Variants in FAM110B observed in about 807,000 individuals in gnomAD.
FAM110B encodes the protein family with sequence similarity 110 member B, also known as protein FAM110B.
Under a neutral mutation model 20.4 loss-of-function variants are expected in FAM110B, and 6 were observed. That is an observed-to-expected ratio of 0.29 (90% CI 0.16 to 0.58). FAM110B has a LOEUF of 0.58. Among genes scored for constraint, FAM110B ranks in the 20% least tolerant of loss-of-function variants. The pLI is 0.90. For synonymous variants in FAM110B, 226 were observed against 214.1 expected (o/e 1.06, Z -0.49); for missense variants, 434 against 498.2 (o/e 0.87, Z 1.23).
chr8:57,999,311 C>T (rs1438883425), intron 1 of FAM110B, among the ~76,000 whole-genome samples: 1 of 152,130 alleles, frequency 6.6e-6, no homozygotes, highest in Non-Finnish European at 1.5e-5. Context: ...TACATCAGGG[C>T]AAGATCAATG....
In FAM110B at chr8:58,148,757, A is replaced by G. The variant is rs2150649718; in HGVS notation, c.*1414A>G. The G allele has an allele frequency of 6.0e-6, 1 of 167,270 alleles. No homozygotes were observed. Among genetic ancestry groups the G allele is most frequent in the Middle Eastern group, 3.4e-3 (1 of 296 alleles). The allele number at this position is 167,270 out of a possible 1,614,324, so 10.4% of individuals were successfully genotyped here. On this transcript the variant is annotated 3_prime_UTR_variant, in exon 4 of 4. Transcript: ENST00000519262. The stretch of plus-strand genomic sequence containing the variant: ...TCTTTAAAGAAAAAAAGAAAAAGTT[A>G]CGCTAATAAATTGCTGTGGTGCAGG...
intron 1 of FAM110B, among the ~76,000 whole-genome samples, chr8:58,025,860 T>C (rs1804845886): frequency 6.6e-6 from 1 of 152,156 alleles, no homozygotes; most frequent in Non-Finnish European, 1.5e-5. Flanking sequence ...ACTTCCCTAG[T>C]TGATGTAAAT....
chr8:58,113,557 G>T, intron 3 of FAM110B: 1 of 179,528 alleles, frequency 5.6e-6, no homozygotes, highest in South Asian at 1.3e-4. Context: ...AATGTGGAAA[G>T]GTGCCTTGAA....
chr8:58,050,742 ACTCT>A (rs1201757865), intron 2 of FAM110B, among the ~76,000 whole-genome samples: 3 of 151,920 alleles, frequency 2.0e-5, no homozygotes, highest in South Asian at 2.1e-4. Flanking sequence ...CCACCCAGAT[ACTCT>A]CTCTATCTTG....
At chr8:58,122,626 TG>T (rs1231597055) in intron 3 of FAM110B, among the ~76,000 whole-genome samples, 1 of 152,338 alleles carries the variant, frequency 6.6e-6, no homozygotes, top group African/African-American at 2.4e-5. Context: ...TTTCTGTTGT[TG>T]GGTTTTTTAA....
chr8:58,041,495 C>G (rs1361478852), intron 2 of FAM110B, among the ~76,000 whole-genome samples: 1 of 152,172 alleles, frequency 6.6e-6, no homozygotes, highest in East Asian at 1.9e-4. Context: ...AGCAAATGTT[C>G]TTTGCTGATT....
intron 2 of FAM110B, among the ~76,000 whole-genome samples, chr8:58,051,130 A>G (rs1805432482): frequency 6.6e-6 from 1 of 152,176 alleles, no homozygotes; most frequent in African/African-American, 2.4e-5. Context: ...GTTTCAGCCA[A>G]TCACTCCTGG....
At chr8:58,083,274 G>T (rs1806248941) in intron 3 of FAM110B, among the ~76,000 whole-genome samples, 1 of 152,142 alleles carries the variant, frequency 6.6e-6, no homozygotes, top group Non-Finnish European at 1.5e-5. Context: ...AACAAAAGAG[G>T]AGAAGAAACA....
Position 58,147,485 on chromosome 8 carries a change from A to G in FAM110B, c.*142A>G, listed in dbSNP as rs1169634269. ...GTTTTCAAGTTGCATGCTTGTCAAC[A>G]TGGGGACTGACCTGGCTTCCACGTC... On this transcript the variant is annotated 3_prime_UTR_variant, in exon 4 of 4. Transcript: ENST00000519262. 25 of 1,046,884 alleles carry G rather than the reference A, an allele frequency of 2.4e-5. No homozygotes were observed. The highest frequency in any genetic ancestry group is 3.0e-5 in the Non-Finnish European group (22 of 728,048). The allele number at this position is 1,046,884 out of a possible 1,614,324, so 64.8% of individuals were successfully genotyped here.
intron 3 of FAM110B, among the ~76,000 whole-genome samples, chr8:58,084,622 G>T (rs772098810): frequency 6.6e-6 from 1 of 151,944 alleles, no homozygotes. Context: ...TCTCTTGACC[G>T]TGTGATGCTC....
At chr8:58,028,640 A>G (rs1201295075) in intron 1 of FAM110B, among the ~76,000 whole-genome samples, 1 of 152,214 alleles carries the variant, frequency 6.6e-6, no homozygotes, top group Non-Finnish European at 1.5e-5. Context: ...TGAGTTTATA[A>G]AAAGAAATAT....
At chr8:58,043,014 A>G (rs1805251246) in intron 2 of FAM110B, among the ~76,000 whole-genome samples, 1 of 152,218 alleles carries the variant, frequency 6.6e-6, no homozygotes, top group Admixed American at 6.5e-5. Context: ...ATAATTTTCC[A>G]AGGTGGGAGT....
At chr8:58,095,549 T>C (rs1221945166) in intron 3 of FAM110B, among the ~76,000 whole-genome samples, 1 of 152,230 alleles carries the variant, frequency 6.6e-6, no homozygotes, top group Non-Finnish European at 1.5e-5. Context: ...TTGTGTGGTT[T>C]TGAGTGAGTT....
chr8:58,034,834 G>A (rs1041505050), intron 2 of FAM110B, among the ~76,000 whole-genome samples: 1 of 152,190 alleles, frequency 6.6e-6, no homozygotes, highest in African/African-American at 2.4e-5. Flanking sequence ...GTAACTGAGA[G>A]CCCTCCGTGA....
intron 2 of FAM110B, among the ~76,000 whole-genome samples, chr8:58,069,805 TTTA>T (rs1805848558): frequency 1.3e-5 from 2 of 152,170 alleles, no homozygotes; most frequent in South Asian, 4.1e-4. Context: ...CAGTATCGAT[TTTA>T]TTATTTATTC....
intron 1 of FAM110B, among the ~76,000 whole-genome samples, chr8:57,999,174 C>G (rs958475996): frequency 1.3e-5 from 2 of 152,212 alleles, no homozygotes; most frequent in African/African-American, 4.8e-5. Context: ...GGCATTAAAT[C>G]TATGACTTTA....
Position 58,147,616 on chromosome 8 carries a change from TA to T in FAM110B, c.*274del, listed in dbSNP as rs1803898371. The T allele has an allele frequency of 2.3e-6, 1 of 443,886 alleles. No individual in the cohort carries two copies. The highest frequency in any genetic ancestry group is 3.9e-5 in the East Asian group (1 of 25,652). 27.5% of individuals were successfully genotyped at this position (443,886 alleles called of 1,614,324 possible). On this transcript the variant is annotated 3_prime_UTR_variant, in exon 4 of 4. Transcript: ENST00000519262. ...AGCAAAACTGTTTACATGAAAATGG[TA>T]TACAACTTCTTCGATATTTATGTGG...
intron 3 of FAM110B, among the ~76,000 whole-genome samples, chr8:58,087,699 G>T (rs1806372709): frequency 6.6e-6 from 1 of 152,142 alleles, no homozygotes; most frequent in South Asian, 2.1e-4. Flanking sequence ...GGCTGATGGG[G>T]ATTGAGATTT....
chr8:58,031,466 A>G lies in FAM110B; in HGVS notation c.-511-140A>G, dbSNP rs368948015. On this transcript the variant is annotated intron_variant, in intron 1 of 3. Transcript: ENST00000519262. ...TTTAGTTTCCTGGAGCAGCTGAATT[A>G]GAAACAGGCTTTGAACCTAGTTTAT... 2.6e-5 allele frequency: 4 copies of G among 152,234 alleles called. No homozygotes were observed. The East Asian group carries it at 7.7e-4, about 29-fold the overall frequency. The allele number at this position is 152,234 out of a possible 1,614,324, so 9.4% of individuals were successfully genotyped here.
Sources: gnomAD v4.1 joint callset for allele counts (sites outside exome capture counted in the v4.1 genomes callset) on GRCh38, gnomAD v4.1.1 for gene constraint, MANE v1.5 for transcripts, NCBI Gene and HGNC (gene_info 2026-07-23, HGNC 2026-07-21) for gene names.